Variants in ELAVL4 observed in about 807,000 individuals in gnomAD.
ELAVL4 encodes the protein ELAV-like protein 4.
In ELAVL4, 1 loss-of-function variant was observed where a neutral mutation model predicts 35.6. That is an observed-to-expected ratio of 0.03 (90% CI 0.01 to 0.13). The LOEUF (loss-of-function observed/expected upper bound fraction) is 0.13, where lower values mean the gene tolerates loss of function less well. ELAVL4 is among the 10% of genes least tolerant of loss of function. The pLI is 1.00. For synonymous variants in ELAVL4, 156 were observed against 171.0 expected (o/e 0.91, Z 0.69); for missense variants, 267 against 464.9 (o/e 0.57, Z 3.91).
chr1:50,167,139 T>C (rs985617699), intron 2 of ELAVL4, among the ~76,000 whole-genome samples: 1 of 152,204 alleles, frequency 6.6e-6, no homozygotes, highest in Non-Finnish European at 1.5e-5. Flanking sequence ...CACAGCCTTC[T>C]GGAGAACTTT....
At chr1:50,176,160 C>T (rs530596605) in intron 2 of ELAVL4, among the ~76,000 whole-genome samples, 1 of 152,276 alleles carries the variant, frequency 6.6e-6, no homozygotes, top group African/African-American at 2.4e-5. Flanking sequence ...TGGGGGGAGC[C>T]CTGTCACTTG....
chr1:50,065,410 T>C (rs1181709276), intron 1 of ELAVL4, among the ~76,000 whole-genome samples: 2 of 152,156 alleles, frequency 1.3e-5, no homozygotes, highest in East Asian at 3.9e-4. Context: ...AGATTTGAAT[T>C]TCGGTCCCAT....
At chr1:50,195,523 G>A (rs1643998688) in intron 4 of ELAVL4, 38 bp from the exon 5 acceptor site, 2 of 1,605,942 alleles carry the variant, frequency 1.2e-6, no homozygotes, top group Non-Finnish European at 1.7e-6. Context: ...CCAGTTTGGT[G>A]TGTTCACTCT....
chr1:50,119,092 G>A (rs1326974662), intron 1 of ELAVL4, among the ~76,000 whole-genome samples: 1 of 103,790 alleles, frequency 9.6e-6, no homozygotes, highest in Non-Finnish European at 2.0e-5. Context: ...AAGAAAGAAA[G>A]AAAAAGAAAA....
chr1:50,177,034 TTCTCTCTGTCTGTC>T (rs1680160854), intron 2 of ELAVL4, 41 bp from the exon 3 acceptor site: 1 of 1,433,190 alleles, frequency 7.0e-7, no homozygotes, highest in African/African-American at 1.4e-5. Context: ...CTCTCTCTCT[TTCTCTCTGTCTGTC>T]TCTCTCTCCC....
At chr1:50,144,678 G>C in intron 1 of ELAVL4, 1 of 604,656 alleles carries the variant, frequency 1.7e-6, no homozygotes. Context: ...ATTGTGTAAT[G>C]AAAACAGGAA....
At chr1:50,129,380 C>T (rs1298429468) in intron 1 of ELAVL4, among the ~76,000 whole-genome samples, 2 of 152,120 alleles carry the variant, frequency 1.3e-5, no homozygotes, top group Non-Finnish European at 2.9e-5. Flanking sequence ...CCTCTGCTGT[C>T]AGTATGCAGA....
intron 1 of ELAVL4, among the ~76,000 whole-genome samples, chr1:50,143,007 T>C (rs1673082630): frequency 6.6e-6 from 1 of 152,118 alleles, no homozygotes; most frequent in Non-Finnish European, 1.5e-5. Context: ...AGAGTATGTG[T>C]TGTATGAGTC....
intron 1 of ELAVL4, among the ~76,000 whole-genome samples, chr1:50,112,208 C>A (rs1344154275): frequency 6.6e-6 from 1 of 151,828 alleles, no homozygotes; most frequent in Non-Finnish European, 1.5e-5. Flanking sequence ...AAACTTGCGG[C>A]CATATGTTGA....
intron 1 of ELAVL4, among the ~76,000 whole-genome samples, chr1:50,081,050 TTC>T (rs1312853026): frequency 1.2e-4 from 19 of 152,292 alleles, no homozygotes; most frequent in African/African-American, 3.9e-4. Flanking sequence ...TTAGAAGAGC[TTC>T]TAAAGGTAGG....
intron 6 of ELAVL4, among the ~76,000 whole-genome samples, chr1:50,198,898 C>T (rs1171646188): frequency 6.6e-6 from 1 of 152,220 alleles, no homozygotes; most frequent in Admixed American, 6.5e-5. Context: ...AGGATAGAGG[C>T]TGTACTTGCA....
At chr1:50,139,841 GT>G (rs1326080324) in intron 1 of ELAVL4, among the ~76,000 whole-genome samples, 2 of 152,104 alleles carry the variant, frequency 1.3e-5, no homozygotes, top group Non-Finnish European at 2.9e-5. Flanking sequence ...TCTTGCTTTT[GT>G]TGTATATTTT....
chr1:50,103,597 G>C (rs546366264), upstream of ELAVL4, among the ~76,000 whole-genome samples: 4 of 152,310 alleles, frequency 2.6e-5, no homozygotes, highest in East Asian at 7.7e-4. Context: ...TTCAAGGGAA[G>C]AGGTAAAGGA....
At position 50,090,896 on chromosome 1, in the gene ELAVL4, G is replaced by T. The variant is rs111510245; in HGVS notation, c.18+42714G>T. ...GTGGACACTTGGCAGTCCCTGCACC[G>T]CAGTCAGAGGTAGCCCAAAATGAGG... On this transcript the variant is annotated intron_variant, in intron 1 of 6. Transcript: ENST00000448907. Among the ~76,000 whole-genome samples, 11 of 152,306 alleles carry T rather than the reference G, an allele frequency of 7.2e-5. 1 individual carries two copies. The highest frequency in any genetic ancestry group is 2.6e-4 in the African/African-American group (11 of 41,562).
At chr1:50,111,173 G>C (rs566630498) in intron 1 of ELAVL4, among the ~76,000 whole-genome samples, 37 of 150,844 alleles carry the variant, frequency 2.5e-4, no homozygotes, top group Non-Finnish European at 4.3e-4. Context: ...GGTTTTTGTT[G>C]TTGTTGTTGT....
At chr1:50,154,744 G>T (rs1675406043) in intron 2 of ELAVL4, among the ~76,000 whole-genome samples, 1 of 131,126 alleles carries the variant, frequency 7.6e-6, no homozygotes, top group Non-Finnish European at 1.6e-5. Flanking sequence ...TGTTGTTGTT[G>T]TTATATTTTG....
intron 3 of ELAVL4, 43 bp from the exon 4 acceptor site, chr1:50,193,722 G>C: frequency 4.4e-6 from 7 of 1,594,020 alleles, no homozygotes; most frequent in Non-Finnish European, 3.4e-6. Context: ...TACTCTGAGG[G>C]TGATTGCCTA....
chr1:50,159,668 C>T (rs1193499401), intron 2 of ELAVL4, among the ~76,000 whole-genome samples: 2 of 151,954 alleles, frequency 1.3e-5, no homozygotes, highest in African/African-American at 2.4e-5. Flanking sequence ...CCTGTGCTAA[C>T]ACGACGTGAA....
At chr1:50,189,863 G>T (rs1273400791) in intron 3 of ELAVL4, among the ~76,000 whole-genome samples, 1 of 152,228 alleles carries the variant, frequency 6.6e-6, no homozygotes, top group Non-Finnish European at 1.5e-5. Flanking sequence ...ACTTGCCTAA[G>T]GTCATGCAGC....
Sources: allele counts gnomAD v4.1 joint callset (sites outside exome capture counted in the v4.1 genomes callset), GRCh38; gene constraint gnomAD v4.1.1; transcripts MANE v1.5; gene names NCBI Gene and HGNC (gene_info 2026-07-23, HGNC 2026-07-21).